Variants in PDE6D observed in about 807,000 individuals in gnomAD.
PDE6D encodes phosphodiesterase 6D.
In PDE6D, 10 loss-of-function variants were observed where a neutral mutation model predicts 21.9. That is an observed-to-expected ratio of 0.46 (90% confidence interval 0.28 to 0.78). The LOEUF is 0.78. Ranked by LOEUF, PDE6D falls within the 30% of genes least tolerant of loss-of-function variation. The probability of loss-of-function intolerance (pLI) is 0.12; values close to 1 mark genes in which losing one functional copy is unlikely to be tolerated. For missense variants in PDE6D, 139 were observed against 184.8 expected, an observed-to-expected ratio of 0.75 and a Z score of 1.44; for synonymous variants, 59 against 63.5, an observed-to-expected ratio of 0.93 and a Z score of 0.34.
chr2:231,762,457 G>A (rs1033701654), intron 1 of PDE6D, among the ~76,000 whole-genome samples: 2 of 148,828 alleles, frequency 1.3e-5, no homozygotes, highest in African/African-American at 5.0e-5. Flanking sequence ...TGATTCTCCT[G>A]CCTCAGCCTC....
At chr2:231,780,969 G>C (rs993337975) in intron 1 of PDE6D, 96 bp downstream of exon 1, 1 of 1,112,138 alleles carries the variant, frequency 9.0e-7, no homozygotes, top group East Asian at 2.5e-5. Flanking sequence ...TTCTTCTGTG[G>C]GGCCCACCTG....
At chr2:231,780,308 G>T (rs1450163469) in intron 1 of PDE6D, among the ~76,000 whole-genome samples, 1 of 152,108 alleles carries the variant, frequency 6.6e-6, no homozygotes, top group Non-Finnish European at 1.5e-5. Flanking sequence ...AAGACACCTC[G>T]GCTAGGAGTC....
intron 1 of PDE6D, among the ~76,000 whole-genome samples, chr2:231,766,531 G>A (rs1016067121): frequency 6.6e-6 from 1 of 152,052 alleles, no homozygotes; most frequent in African/African-American, 2.4e-5. Context: ...TTTTCCCAAG[G>A]GCATGTTCCC....
chr2:231,732,762 T>C lies in PDE6D; in HGVS notation c.*190A>G. 1 of 552,504 alleles carries C rather than the reference T, an allele frequency of 1.8e-6. No homozygotes were observed. The highest frequency in any genetic ancestry group is 3.2e-6 in the Non-Finnish European group (1 of 308,136). 34.2% of individuals were successfully genotyped at this position (552,504 alleles called of 1,614,324 possible). A position where few individuals can be genotyped will look rare whatever the true frequency, so the allele number is the denominator to read the frequency against. On this transcript the variant is annotated 3_prime_UTR_variant, in exon 5 of 5. Transcript: ENST00000287600. ...GAGTTTAGTCTGGTCAGCTGGAAGA[T>C]GGTGGCTTGGGAAAAAGAGCCATCT...
intron 1 of PDE6D, among the ~76,000 whole-genome samples, chr2:231,762,759 C>T (rs558388286): frequency 6.6e-6 from 1 of 151,880 alleles, no homozygotes; most frequent in East Asian, 1.9e-4. Context: ...TATTTCTTAC[C>T]CTATTCAGCT....
intron 1 of PDE6D, among the ~76,000 whole-genome samples, chr2:231,751,328 T>A (rs1472183914): frequency 6.6e-6 from 1 of 152,136 alleles, no homozygotes; most frequent in Non-Finnish European, 1.5e-5. Context: ...GCTAATTTTT[T>A]AAAAACATTT....
intron 1 of PDE6D, among the ~76,000 whole-genome samples, chr2:231,761,227 T>TGCA (rs2048922372): frequency 6.6e-6 from 1 of 152,154 alleles, no homozygotes; most frequent in African/African-American, 2.4e-5. Flanking sequence ...CAGGTTGGAC[T>TGCA]GCAGTGGCGC....
chr2:231,736,758 G>A (rs1345968221), intron 4 of PDE6D, among the ~76,000 whole-genome samples: 1 of 152,138 alleles, frequency 6.6e-6, no homozygotes, highest in East Asian at 1.9e-4. Flanking sequence ...TCAGGAATGG[G>A]AGCAAATTAA....
intron 1 of PDE6D, among the ~76,000 whole-genome samples, chr2:231,761,251 T>G (rs1226311957): frequency 6.6e-6 from 1 of 152,144 alleles, no homozygotes; most frequent in Non-Finnish European, 1.5e-5. Context: ...CTCGGCTCAC[T>G]GCAAGCTCCG....
At chr2:231,775,460 C>A (rs1316022348) in intron 1 of PDE6D, among the ~76,000 whole-genome samples, 4 of 151,322 alleles carry the variant, frequency 2.6e-5, no homozygotes, top group Non-Finnish European at 5.9e-5. Context: ...AAGCATGCAC[C>A]ACCACACCTG....
chr2:231,754,897 C>T (rs2048870975), intron 1 of PDE6D, among the ~76,000 whole-genome samples: 1 of 152,140 alleles, frequency 6.6e-6, no homozygotes, highest in South Asian at 2.1e-4. Flanking sequence ...TAAATTTTAC[C>T]CTTATTTCTT....
chr2:231,773,644 G>A (rs1292967596), intron 1 of PDE6D, among the ~76,000 whole-genome samples: 1 of 152,040 alleles, frequency 6.6e-6, no homozygotes, highest in Non-Finnish European at 1.5e-5. Context: ...GAAGATACAG[G>A]GATTCCAGGA....
chr2:231,750,622 T>C (rs1435153341), intron 1 of PDE6D, among the ~76,000 whole-genome samples: 1 of 150,424 alleles, frequency 6.6e-6, no homozygotes, highest in Non-Finnish European at 1.5e-5. Context: ...GCCTCCCAAG[T>C]AGCAGGGATT....
intron 1 of PDE6D, among the ~76,000 whole-genome samples, chr2:231,742,660 CTT>C (rs964493784): frequency 6.6e-6 from 1 of 151,852 alleles, no homozygotes. Flanking sequence ...TTACATGTGT[CTT>C]TTTTTTGGTT....
chr2:231,739,833 T>C lies in PDE6D; in HGVS notation c.51-645A>G, dbSNP rs1033976386. 4.6e-5 allele frequency among the ~76,000 whole-genome samples: 7 copies of C among 152,136 alleles called. No homozygotes were observed. The highest frequency in any genetic ancestry group is 3.3e-4 in the Admixed American group (5 of 15,270). ...TTTTAATAGAGATGGGGTTTCACCA[T>C]GTTGGCCAGGCTGGTCTCGAACTCC... On this transcript the variant is annotated intron_variant, in intron 1 of 4. Transcript: ENST00000287600. The surrounding 1 kb of genome is among the most constrained non-coding windows in gnomAD (Gnocchi z 4.2).
intron 1 of PDE6D, among the ~76,000 whole-genome samples, chr2:231,777,181 A>G (rs62198568): frequency 0.18 from 26,956 of 152,226 alleles, 2,775 homozygotes; most frequent in Non-Finnish European, 0.23. Context: ...GATACTCTGA[A>G]AGAGGTAGGG....
chr2:231,772,608 A>G (rs188150116), intron 1 of PDE6D, among the ~76,000 whole-genome samples: 1 of 152,320 alleles, frequency 6.6e-6, no homozygotes, highest in East Asian at 1.9e-4. Flanking sequence ...TAGGTCTATA[A>G]GTCAAATCCT....
chr2:231,767,544 T>C (rs2048981080), intron 1 of PDE6D, among the ~76,000 whole-genome samples: 2 of 152,130 alleles, frequency 1.3e-5, no homozygotes, highest in East Asian at 3.9e-4. Context: ...CTCAATCTCC[T>C]GACCTTGTGA....
At position 231,743,570 on chromosome 2, in the gene PDE6D, T is replaced by G. The variant is rs187856017; in HGVS notation, c.51-4382A>C. 4.4e-3 allele frequency among the ~76,000 whole-genome samples: 668 copies of G among 152,304 alleles called. 5 individuals carry two copies. Among genetic ancestry groups the G allele is most frequent in the African/African-American group, 0.016 (648 of 41,556 alleles). On this transcript the variant is annotated intron_variant, in intron 1 of 4. Transcript: ENST00000287600. ...TCCCTGCATGAATGTACTGTCGCTT[T>G]CAGATCACATTGGCTGTGTCATTCT...
Sources: allele counts gnomAD v4.1 joint callset (sites outside exome capture counted in the v4.1 genomes callset), GRCh38; gene constraint gnomAD v4.1.1; non-coding constraint Gnocchi (gnomAD v3.1); transcripts MANE v1.5; gene names NCBI Gene and HGNC (gene_info 2026-07-23, HGNC 2026-07-21).